FOCAD: variants seen among roughly 807,000 people sequenced by gnomAD.
FOCAD encodes the protein KIAA1797.
A neutral mutation model predicts 225.6 loss-of-function variants in FOCAD; 198 were observed. The observed-to-expected ratio is 0.88, with a 90% CI of 0.78 to 0.99. The LOEUF is 0.99. Ranked by LOEUF, FOCAD falls within the 50% of genes least tolerant of loss-of-function variation. FOCAD has a pLI of 0.00. For synonymous variants in FOCAD, 897 were observed against 755.0 expected (o/e 1.19, Z -3.08); for missense variants, 2,713 against 2,123.6 (o/e 1.28, Z -5.46).
At chr9:20,988,155 A>G (rs1841348699) in intron 40 of FOCAD, among the ~76,000 whole-genome samples, 177 bp from the exon 41 acceptor site, 1 of 152,214 alleles carries the variant, frequency 6.6e-6, no homozygotes, top group South Asian at 2.1e-4. Context: ...TGATGTGAAT[A>G]ATGTCAAAGA....
intron 35 of FOCAD, among the ~76,000 whole-genome samples, chr9:20,963,924 C>T (rs573828985): frequency 3.9e-5 from 6 of 152,296 alleles, no homozygotes; most frequent in Admixed American, 1.3e-4. Flanking sequence ...GCTCCACGAG[C>T]GCAGGGACCT....
rs113766098 is a variant in FOCAD, at chr9:20,850,840, A to G, written c.1921-11738A>G. Among the ~76,000 whole-genome samples, 967 of 148,144 alleles carry G rather than the reference A, an allele frequency of 6.5e-3. 11 individuals are homozygous for G. Among genetic ancestry groups the G allele is most frequent in the African/African-American group, 0.023 (913 of 40,070 alleles). ...CCTTAACCAGGTAATTTCCCCCTCT[A>G]TATCTAGTATGAAACTTCTGCAGTT... is the stretch of plus-strand genomic sequence containing the variant. On this transcript the variant is annotated intron_variant, in intron 15 of 43. Transcript: ENST00000338382.
chr9:20,862,878 C>T, intron 16 of FOCAD, 166 bp downstream of exon 16: 1 of 533,650 alleles, frequency 1.9e-6, no homozygotes, highest in South Asian at 5.7e-5. Context: ...CCTCATCAAT[C>T]TTATGTCTAA....
chr9:20,888,627 G>T (rs1379754289), intron 21 of FOCAD, among the ~76,000 whole-genome samples: 1 of 151,832 alleles, frequency 6.6e-6, no homozygotes, highest in African/African-American at 2.4e-5. Flanking sequence ...GTATGGTTTG[G>T]CTACGTCCCC....
At chr9:20,955,820 C>T (rs1213055888) in intron 35 of FOCAD, among the ~76,000 whole-genome samples, 1 of 152,100 alleles carries the variant, frequency 6.6e-6, no homozygotes, top group Non-Finnish European at 1.5e-5. Flanking sequence ...GTTCATATCT[C>T]ATCAAGATTT....
chr9:20,980,012 T>C (rs1041004975), intron 37 of FOCAD, among the ~76,000 whole-genome samples: 1 of 152,178 alleles, frequency 6.6e-6, no homozygotes, highest in Non-Finnish European at 1.5e-5. Flanking sequence ...ACAAGTTCCA[T>C]TGTGCTTGCT....
chr9:20,936,637 G>C (rs531756580), intron 28 of FOCAD, among the ~76,000 whole-genome samples: 201 of 152,222 alleles, frequency 1.3e-3, no homozygotes, highest in Non-Finnish European at 2.5e-3. Context: ...GACTGTCCTG[G>C]TTAACACGGT....
At chr9:20,991,884 T>A (rs1461376306) in intron 42 of FOCAD, among the ~76,000 whole-genome samples, 1 of 152,110 alleles carries the variant, frequency 6.6e-6, no homozygotes, top group Non-Finnish European at 1.5e-5. Context: ...GATACCACGT[T>A]CCCTTTGGAC....
intron 21 of FOCAD, among the ~76,000 whole-genome samples, chr9:20,894,119 G>A (rs987620543): frequency 6.6e-6 from 1 of 151,966 alleles, no homozygotes; most frequent in Admixed American, 6.6e-5. Flanking sequence ...CAAGTAGTTG[G>A]AATCATACGG....
intron 21 of FOCAD, among the ~76,000 whole-genome samples, chr9:20,895,995 C>T (rs545506698): frequency 1.4e-4 from 22 of 151,832 alleles, no homozygotes; most frequent in South Asian, 4.2e-4. Context: ...ATGATGTTAA[C>T]GGTGGGTGTT....
intron 1 of FOCAD, among the ~76,000 whole-genome samples, chr9:20,692,867 AG>A (rs1224960701): frequency 6.6e-6 from 1 of 151,982 alleles, no homozygotes; most frequent in Non-Finnish European, 1.5e-5. Context: ...TTTTTTTCTG[AG>A]GGGGTGCAGC....
At chr9:20,966,493 C>A (rs1839266611) in intron 35 of FOCAD, among the ~76,000 whole-genome samples, 2 of 152,024 alleles carry the variant, frequency 1.3e-5, no homozygotes, top group Admixed American at 1.3e-4. Context: ...TTGATAATAC[C>A]CTTTAATGAA....
At chr9:20,874,844 T>C in intron 19 of FOCAD, 37 bp downstream of exon 19, 1 of 1,612,598 alleles carries the variant, frequency 6.2e-7, no homozygotes, top group South Asian at 1.1e-5. Context: ...CTAGCATTTT[T>C]TAGTGGTTCG....
chr9:20,951,635 G>A (rs6475493), intron 34 of FOCAD, among the ~76,000 whole-genome samples: 48,904 of 152,044 alleles, frequency 0.32, 8,108 homozygotes, highest in East Asian at 0.46. Flanking sequence ...TTAAAGGTGT[G>A]TACCTTCTTA....
chr9:20,837,532 A>G (rs1372538891), intron 15 of FOCAD, among the ~76,000 whole-genome samples: 1 of 151,892 alleles, frequency 6.6e-6, no homozygotes, highest in African/African-American at 2.4e-5. Flanking sequence ...TTAAGCTTAT[A>G]TAATGGGTAG....
chr9:20,872,376 A>C (rs1032294112), intron 18 of FOCAD, among the ~76,000 whole-genome samples: 7 of 152,182 alleles, frequency 4.6e-5, no homozygotes, highest in African/African-American at 1.7e-4. Flanking sequence ...AGTTGTACAG[A>C]AATGATCATA....
At chr9:20,787,095 C>T (rs1820000355) in intron 10 of FOCAD, 1 of 281,338 alleles carries the variant, frequency 3.6e-6, no homozygotes, top group South Asian at 3.3e-5. Flanking sequence ...AACAAACAAA[C>T]AAATAAACAA....
upstream of FOCAD, among the ~76,000 whole-genome samples, chr9:20,682,801 C>T (rs1462252261): frequency 6.6e-6 from 1 of 152,184 alleles, no homozygotes; most frequent in Non-Finnish European, 1.5e-5. Flanking sequence ...TTGTGACAGT[C>T]TCACTCCATC....
chr9:20,716,846 A>T (rs1346648816), intron 2 of FOCAD, among the ~76,000 whole-genome samples: 1 of 152,180 alleles, frequency 6.6e-6, no homozygotes, highest in Non-Finnish European at 1.5e-5. Flanking sequence ...CGAGTCTAAA[A>T]GAACTCTTGT....
Sources: allele counts gnomAD v4.1 joint callset (sites outside exome capture counted in the v4.1 genomes callset), GRCh38; gene constraint gnomAD v4.1.1; transcripts MANE v1.5; gene names NCBI Gene and HGNC (gene_info 2026-07-23, HGNC 2026-07-21).